Variants in CTH observed in about 807,000 individuals in gnomAD.
The protein encoded by CTH is cystathionase (cystathionine gamma-lyase).
CTH carries 41 observed loss-of-function variants against 50.6 expected under a neutral mutation model. The observed-to-expected ratio is 0.81, with a 90% CI of 0.63 to 1.05. The LOEUF (loss-of-function observed/expected upper bound fraction) is 1.05. CTH is among the 50% of genes least tolerant of loss of function. The probability of loss-of-function intolerance (pLI) is 0.00; values close to 1 mark genes in which losing one functional copy is unlikely to be tolerated. For synonymous variants in CTH, 156 were observed against 168.9 expected (o/e 0.92, Z 0.59); for missense variants, 470 against 492.6 (o/e 0.95, Z 0.43).
chr1:70,411,930 T>C (rs1683975270), intron 1 of CTH, among the ~76,000 whole-genome samples: 1 of 152,228 alleles, frequency 6.6e-6, no homozygotes, highest in Non-Finnish European at 1.5e-5. Context: ...CGGAGTCAGC[T>C]TAAAAAATAT....
chr1:70,435,527 A>G (rs1388749933), intron 10 of CTH, among the ~76,000 whole-genome samples: 1 of 152,014 alleles, frequency 6.6e-6, no homozygotes, highest in Admixed American at 6.6e-5. Flanking sequence ...TGTACTAGAA[A>G]AGCTGTTTTC....
chr1:70,412,604 C>A (rs1316085599), intron 1 of CTH, among the ~76,000 whole-genome samples: 1 of 152,108 alleles, frequency 6.6e-6, no homozygotes, highest in African/African-American at 2.4e-5. Context: ...CCAACTCAAA[C>A]AACAACAGAA....
At chr1:70,434,993 C>T (rs577538606) in intron 9 of CTH, 132 bp from the exon 10 acceptor site, 74 of 689,172 alleles carry the variant, frequency 1.1e-4, no homozygotes, top group South Asian at 3.9e-4. Context: ...CTCGGTGATC[C>T]GCCTGACTTG....
rs926016396 is a variant in CTH, at chr1:70,438,958, C to G, written c.1191+132C>G. 9 of 1,577,102 alleles carry G rather than the reference C, an allele frequency of 5.7e-6. No individual in the cohort carries two copies. The Admixed American group carries it at 1.5e-4, about 27-fold the overall frequency. Reference sequence around the variant, plus strand: ...AAGCTTTTCTGTTCCTGTAATAGACCAGGTGTATAAATAAACGTATAGGGA... The same window carrying G: ...AAGCTTTTCTGTTCCTGTAATAGACGAGGTGTATAAATAAACGTATAGGGA... On this transcript the variant is annotated intron_variant, in intron 11 of 11. Transcript: ENST00000370938.
chr1:70,430,133 T>G (rs949707008), intron 6 of CTH, among the ~76,000 whole-genome samples, 184 bp from the exon 7 acceptor site: 4 of 152,238 alleles, frequency 2.6e-5, no homozygotes, highest in African/African-American at 9.6e-5. Context: ...TTTTATTTTC[T>G]TGTTTTAGAC....
rs968065934 is a variant in CTH, at chr1:70,413,524, A to G, written c.168+1941A>G. 4.0e-5 allele frequency among the ~76,000 whole-genome samples: 6 copies of G among 151,174 alleles called. No individual in the cohort carries two copies. The South Asian group carries it at 8.4e-4, about 21-fold the overall frequency. ...CGTGATTCACCCGCCTTGGCCTCCC[A>G]AAGTGCTGGGATTACAGGTGTGAGC... On this transcript the variant is annotated intron_variant, in intron 1 of 11. Transcript: ENST00000370938.
chr1:70,430,298 G>C lies in CTH; in HGVS notation c.647-19G>C, dbSNP rs1039649414. 4.1e-6 allele frequency: 6 copies of C among 1,455,378 alleles called. No individual in the cohort carries two copies. The Admixed American group carries it at 1.0e-4, about 24-fold the overall frequency. 90.2% of individuals were successfully genotyped at this position (1,455,378 alleles called of 1,614,324 possible). On this transcript the variant is annotated intron_variant, in intron 6 of 11. Transcript: ENST00000370938. ...TTCTAACTGAAATTTTTGTTTGTTT[G>C]TTTGTTTTTTGTTTTTAGGCCACAG... is the stretch of plus-strand genomic sequence containing the variant.
intron 1 of CTH, among the ~76,000 whole-genome samples, chr1:70,413,739 CT>C (rs765540452): frequency 0.054 from 6,328 of 118,168 alleles, 117 homozygotes; most frequent in African/African-American, 0.071. Flanking sequence ...TGCTTAATAT[CT>C]TTTTTTTTTT....
At chr1:70,417,395 C>T (rs1032531521) in intron 2 of CTH, among the ~76,000 whole-genome samples, 2 of 152,158 alleles carry the variant, frequency 1.3e-5, no homozygotes, top group East Asian at 3.9e-4. Context: ...AGCGATTCTC[C>T]TGCCTCAGTC....
At position 70,411,504 on chromosome 1, in the gene CTH, A is replaced by G; in HGVS notation, c.89A>G (p.Glu30Gly). Residue 30 changes from glutamate (E) to glycine (G), a missense_variant, in exon 1 of 12, where the codon GAG becomes GGG. Glu to Gly is a moderately conservative substitution (Grantham distance 98, BLOSUM62 -2). Transcript: ENST00000370938. ...TQAIHVGQDPEQWTSRAVVPP... is the reference protein window; with the variant it reads ...TQAIHVGQDPGQWTSRAVVPP... ...GCGATCCATGTGGGCCAGGATCCAGAGCAATGGACCTCCAGGGCTGTAGTG... is the reference window on the plus strand; with the variant it reads ...GCGATCCATGTGGGCCAGGATCCAGGGCAATGGACCTCCAGGGCTGTAGTG... 1 of 1,614,176 alleles carries G rather than the reference A, an allele frequency of 6.2e-7. No homozygotes were observed. Among genetic ancestry groups the G allele is most frequent in the Non-Finnish European group, 8.5e-7 (1 of 1,180,036 alleles).
At chr1:70,415,870 G>A (rs1389808510) in intron 1 of CTH, 86 bp from the exon 2 acceptor site, 4 of 781,560 alleles carry the variant, frequency 5.1e-6, no homozygotes, top group South Asian at 1.4e-5. Flanking sequence ...AACTAATTAT[G>A]GTAGGGTGAA....
At chr1:70,415,502 C>T (rs1031977117) in intron 1 of CTH, among the ~76,000 whole-genome samples, 3 of 152,014 alleles carry the variant, frequency 2.0e-5, no homozygotes, top group African/African-American at 7.2e-5. Context: ...AGTCCCTTTT[C>T]CTAATGTTTC....
intron 2 of CTH, among the ~76,000 whole-genome samples, chr1:70,417,350 T>C (rs1273789865): frequency 6.6e-6 from 1 of 152,098 alleles, no homozygotes; most frequent in East Asian, 1.9e-4. Flanking sequence ...AGTGGTGCAA[T>C]CTTGGCTCAC....
intron 1 of CTH, among the ~76,000 whole-genome samples, chr1:70,412,057 T>G (rs145941634): frequency 1.3e-5 from 2 of 152,378 alleles, no homozygotes; most frequent in African/African-American, 4.8e-5. Context: ...ATTACATGTA[T>G]TGTCTCATCT....
At chr1:70,435,965 A>G (rs1055251207) in intron 10 of CTH, among the ~76,000 whole-genome samples, 1 of 152,174 alleles carries the variant, frequency 6.6e-6, no homozygotes, top group African/African-American at 2.4e-5. Context: ...ATCTGCTTCC[A>G]CCAATTAGTT....
At chr1:70,426,778 C>T (rs545564170) in intron 5 of CTH, among the ~76,000 whole-genome samples, 3 of 152,242 alleles carry the variant, frequency 2.0e-5, no homozygotes, top group East Asian at 1.9e-4. Flanking sequence ...GATTCCTTAT[C>T]GCAACTCCTT....
chr1:70,413,029 A>G (rs951685672), intron 1 of CTH, among the ~76,000 whole-genome samples: 4 of 151,954 alleles, frequency 2.6e-5, no homozygotes, highest in African/African-American at 7.3e-5. Flanking sequence ...TGGATCTTAG[A>G]GAATTTAAAA....
chr1:70,437,664 T>G (rs1430668556), intron 10 of CTH, among the ~76,000 whole-genome samples: 1 of 152,166 alleles, frequency 6.6e-6, no homozygotes, highest in African/African-American at 2.4e-5. Context: ...GGCAGAACAT[T>G]TTAAGATGGA....
intron 1 of CTH, among the ~76,000 whole-genome samples, chr1:70,414,189 A>T (rs1031389180): frequency 3.4e-5 from 5 of 148,598 alleles, no homozygotes; most frequent in Admixed American, 6.8e-5. Context: ...GATGGTGGGG[A>T]GGGGTAAGGA....
Sources: allele counts gnomAD v4.1 joint callset (sites outside exome capture counted in the v4.1 genomes callset), GRCh38; gene constraint gnomAD v4.1.1; transcripts MANE v1.5; gene names NCBI Gene and HGNC (gene_info 2026-07-23, HGNC 2026-07-21).